ENTHD1: variants seen among roughly 807,000 people sequenced by gnomAD.
The protein encoded by ENTHD1 is ENTH domain-containing protein 1.
A neutral mutation model predicts 39.1 loss-of-function variants in ENTHD1; 23 were observed. That is an observed-to-expected ratio of 0.59 (90% CI 0.42 to 0.83). ENTHD1 has a LOEUF of 0.83. Among genes scored for constraint, ENTHD1 ranks in the 40% least tolerant of loss-of-function variants. The probability of loss-of-function intolerance (pLI) is 0.00; values close to 1 mark genes in which losing one functional copy is unlikely to be tolerated. For missense variants in ENTHD1, 624 were observed against 705.4 expected (o/e 0.88, Z 1.31); for synonymous variants, 230 against 258.2 (o/e 0.89, Z 1.05).
intron 5 of ENTHD1, among the ~76,000 whole-genome samples, chr22:39,818,904 C>T (rs988128965): frequency 2.0e-5 from 3 of 152,308 alleles, no homozygotes; most frequent in African/African-American, 4.8e-5. Context: ...TTTCTCCACA[C>T]AAAAACCTGC....
intron 6 of ENTHD1, among the ~76,000 whole-genome samples, chr22:39,762,344 A>G (rs1469223918): frequency 6.6e-6 from 1 of 152,118 alleles, no homozygotes; most frequent in Non-Finnish European, 1.5e-5. Context: ...ACTCCAGGCT[A>G]TGAGGACTGA....
At chr22:39,890,768 C>A (rs963004689) in intron 1 of ENTHD1, among the ~76,000 whole-genome samples, 1 of 152,042 alleles carries the variant, frequency 6.6e-6, no homozygotes, top group African/African-American at 2.4e-5. Context: ...TTAGAAAAAT[C>A]GCAAGGAAAA....
intron 5 of ENTHD1, among the ~76,000 whole-genome samples, chr22:39,815,304 G>A (rs539863285): frequency 6.6e-5 from 10 of 152,170 alleles, no homozygotes; most frequent in African/African-American, 1.2e-4. Flanking sequence ...TTAGCAGGGC[G>A]TGGTGGTGCG....
At chr22:39,827,635 C>T (rs1419947195) in intron 4 of ENTHD1, among the ~76,000 whole-genome samples, 2 of 151,974 alleles carry the variant, frequency 1.3e-5, no homozygotes, top group Non-Finnish European at 2.9e-5. Flanking sequence ...CTCAGATTGA[C>T]AAAAATGAAA....
intron 5 of ENTHD1, among the ~76,000 whole-genome samples, chr22:39,813,560 T>C (rs1030047665): frequency 2.6e-5 from 4 of 152,282 alleles, no homozygotes; most frequent in African/African-American, 7.2e-5. Flanking sequence ...ACTCAACATA[T>C]AGTCAAGATA....
intron 5 of ENTHD1, among the ~76,000 whole-genome samples, chr22:39,803,575 A>T (rs557959603): frequency 6.6e-6 from 1 of 152,250 alleles, no homozygotes; most frequent in South Asian, 2.1e-4. Flanking sequence ...CTCATTAAGT[A>T]TCTACTGAAT....
chr22:39,765,672 C>T, intron 5 of ENTHD1, 63 bp from the exon 6 acceptor site: 1 of 1,418,814 alleles, frequency 7.0e-7, no homozygotes. Flanking sequence ...TATTTCAAAT[C>T]TGTTATAATT....
chr22:39,765,132 G>C lies in ENTHD1; in HGVS notation c.1219+91C>G, dbSNP rs1162799008. The C allele has an allele frequency of 7.0e-6, 10 of 1,437,484 alleles. No individual in the cohort carries two copies. In the Admixed American group the frequency reaches 1.4e-4, roughly 20 times the overall value. The allele number at this position is 1,437,484 out of a possible 1,614,324, so 89.0% of individuals were successfully genotyped here. On this transcript the variant is annotated intron_variant, in intron 6 of 6. Coordinates refer to ENST00000325157, the MANE Select transcript of ENTHD1 (RefSeq NM_152512.4). ...AAGGAGGGAACAAAAAAAGGAGACA[G>C]AAAGCAGAGAAAAGTAAAATAATGC...
In ENTHD1 at chr22:39,772,006, A is replaced by G. The variant is rs949222847; in HGVS notation, c.833-6397T>C. Among the ~76,000 whole-genome samples, 144 of 152,318 alleles carry G rather than the reference A, an allele frequency of 9.5e-4. 1 individual carries two copies. The highest frequency in any genetic ancestry group is 3.3e-3 in the African/African-American group (136 of 41,544). ...TATGTAACTGTTTAGAAAATGTAAC[A>G]ATATGTGTGGAGTGTTATAACAAAT... is the stretch of plus-strand genomic sequence containing the variant. On this transcript the variant is annotated intron_variant, in intron 5 of 6. Coordinates refer to ENST00000325157, the MANE Select transcript of ENTHD1 (RefSeq NM_152512.4).
At chr22:39,796,459 G>A (rs2065550642) in intron 5 of ENTHD1, among the ~76,000 whole-genome samples, 1 of 151,904 alleles carries the variant, frequency 6.6e-6, no homozygotes, top group South Asian at 2.1e-4. Flanking sequence ...TGGTGGAGGT[G>A]GGGTCTCACT....
intron 6 of ENTHD1, among the ~76,000 whole-genome samples, chr22:39,762,922 C>T (rs1005726661): frequency 3.9e-5 from 6 of 151,936 alleles, no homozygotes; most frequent in African/African-American, 1.2e-4. Context: ...TATTTCTGGC[C>T]GTTTTTTCAT....
At chr22:39,893,045 C>T (rs983351271) in intron 1 of ENTHD1, among the ~76,000 whole-genome samples, 1 of 152,086 alleles carries the variant, frequency 6.6e-6, no homozygotes, top group Non-Finnish European at 1.5e-5. Context: ...GTCCTCACAC[C>T]CTGGAGTAAA....
In ENTHD1 at chr22:39,796,682, C is replaced by T. The variant is rs192131312; in HGVS notation, c.832+24311G>A. 2.2e-4 allele frequency among the ~76,000 whole-genome samples: 34 copies of T among 152,322 alleles called. No homozygotes were observed. In the East Asian group the frequency reaches 4.8e-3, roughly 22 times the overall value. On this transcript the variant is annotated intron_variant, in intron 5 of 6. Coordinates refer to ENST00000325157, the MANE Select transcript of ENTHD1 (RefSeq NM_152512.4). Reference sequence around the variant, plus strand: ...TGTTATTAAAGTTCCATGTATTTGTCTAGTTTCCAAAGTTTGTTACTGATT... The same window carrying T: ...TGTTATTAAAGTTCCATGTATTTGTTTAGTTTCCAAAGTTTGTTACTGATT...
chr22:39,761,549 G>A lies in ENTHD1; in HGVS notation c.1219+3674C>T, dbSNP rs74925252. Among the ~76,000 whole-genome samples the A allele has an allele frequency of 4.0e-3, 610 of 151,972 alleles. 3 individuals carry two copies. Among genetic ancestry groups the A allele is most frequent in the Admixed American group, 5.9e-3 (90 of 15,258 alleles). ...CCCTATGTCTTTTCCTCACCTTTTA[G>A]AACTCCAATTACATCAGTGTCAGAC... On this transcript the variant is annotated intron_variant, in intron 6 of 6. Transcript: ENST00000325157.
chr22:39,830,823 G>A (rs540456367), intron 4 of ENTHD1, among the ~76,000 whole-genome samples: 54 of 152,284 alleles, frequency 3.5e-4, no homozygotes, highest in African/African-American at 1.3e-3. Context: ...TGAGTGAAAC[G>A]GATTTCTAGC....
chr22:39,884,304 G>A (rs534691136), intron 2 of ENTHD1, among the ~76,000 whole-genome samples: 8 of 151,620 alleles, frequency 5.3e-5, no homozygotes, highest in Non-Finnish European at 5.9e-5. Flanking sequence ...TCAGCCTCCC[G>A]GGTAGCTGGG....
chr22:39,803,221 C>T (rs1022641889), intron 5 of ENTHD1, among the ~76,000 whole-genome samples: 1 of 152,064 alleles, frequency 6.6e-6, no homozygotes, highest in African/African-American at 2.4e-5. Flanking sequence ...GTTCTAGCCA[C>T]AACGGCCTCC....
chr22:39,776,010 C>T (rs953619079), intron 5 of ENTHD1, among the ~76,000 whole-genome samples: 3 of 152,090 alleles, frequency 2.0e-5, no homozygotes, highest in African/African-American at 7.2e-5. Flanking sequence ...CCTCAGCCTC[C>T]CAAGTAGCTG....
chr22:39,890,112 A>G (rs1357971873), intron 1 of ENTHD1, among the ~76,000 whole-genome samples: 3 of 145,432 alleles, frequency 2.1e-5, no homozygotes, highest in East Asian at 4.0e-4. Context: ...ATAAATAAAT[A>G]AATAAATAAA....
Sources: allele counts gnomAD v4.1 joint callset (sites outside exome capture counted in the v4.1 genomes callset), GRCh38; gene constraint gnomAD v4.1.1; transcripts MANE v1.5; gene names NCBI Gene and HGNC (gene_info 2026-07-23, HGNC 2026-07-21).